The following FBP2 variants were observed in gnomAD, a reference collection of about 807,000 sequenced individuals.
The protein encoded by FBP2 is fructose-bisphosphatase 2.
A neutral mutation model predicts 31.6 loss-of-function variants in FBP2; 27 were observed. The ratio of observed to expected loss-of-function variants is 0.85; its 90% CI spans 0.63 to 1.18. The LOEUF is 1.18. Among genes scored for constraint, FBP2 ranks in the 50% most tolerant of loss-of-function variants. FBP2 has a pLI of 0.00. For synonymous variants in FBP2, 168 were observed against 179.8 expected, an observed-to-expected ratio of 0.93 and a Z score of 0.53; for missense variants, 421 against 436.1, an observed-to-expected ratio of 0.97 and a Z score of 0.31.
chr9:94,563,333 G>C lies in FBP2; in HGVS notation c.825+9C>G. On this transcript the variant is annotated intron_variant, in intron 6 of 6. Coordinates refer to ENST00000375337, the MANE Select transcript of FBP2 (RefSeq NM_003837.4). ...CCGGATGCACAGCCAGTGGACAAGG[G>C]AGAATTACCTTGCCCTTAGGGCTCT... The C allele has an allele frequency of 6.2e-7, 1 of 1,613,620 alleles. No homozygotes were observed. The highest frequency in any genetic ancestry group is 8.5e-7 in the Non-Finnish European group (1 of 1,179,736).
chr9:94,568,628 G>A (rs1827227933), intron 4 of FBP2: 1 of 152,190 alleles, frequency 6.6e-6, no homozygotes, highest in African/African-American at 2.4e-5. Context: ...AATATAAAGA[G>A]GCAAGGCCAC....
rs1325593587 is a variant in FBP2 at position 94,558,766 on chromosome 9, A to T, written c.*172T>A. 4.8e-6 allele frequency: 3 copies of T among 623,320 alleles called. No individual in the cohort carries two copies. Among genetic ancestry groups the T allele is most frequent in the East Asian group, 2.9e-5 (1 of 34,606 alleles). 38.6% of individuals were successfully genotyped at this position (623,320 alleles called of 1,614,324 possible). ...TTCTAGTCCTTCACATTGACCATAG[A>T]ATCGCCTGTGGCTTCCAAACCTGTC... On this transcript the variant is annotated 3_prime_UTR_variant, in exon 7 of 7. Coordinates refer to ENST00000375337, the MANE Select transcript of FBP2 (RefSeq NM_003837.4).
intron 5 of FBP2, among the ~76,000 whole-genome samples, chr9:94,566,989 G>C (rs509022): frequency 0.48 from 73,568 of 151,972 alleles, 18,442 homozygotes; most frequent in East Asian, 0.61. Flanking sequence ...AGGATCTGGC[G>C]TGAGCTCTGA....
intron 1 of FBP2, among the ~76,000 whole-genome samples, chr9:94,590,669 G>C (rs995854010): frequency 1.3e-5 from 2 of 152,230 alleles, no homozygotes; most frequent in Non-Finnish European, 2.9e-5. Flanking sequence ...TGGACCCAAA[G>C]AGTGAGCAGC....
intron 1 of FBP2, among the ~76,000 whole-genome samples, chr9:94,591,353 G>A (rs550264054): frequency 9.6e-4 from 146 of 152,350 alleles, no homozygotes; most frequent in Non-Finnish European, 1.9e-3. Context: ...CACTGCTGGG[G>A]GACTCAGTAC....
intron 6 of FBP2, among the ~76,000 whole-genome samples, chr9:94,559,588 C>T (rs1469803181): frequency 6.6e-6 from 1 of 151,628 alleles, no homozygotes; most frequent in African/African-American, 2.4e-5. Flanking sequence ...TGGGGACAGC[C>T]ACAGTGGCTG....
chr9:94,559,159 A>G (rs756426720), intron 6 of FBP2, 27 bp from the exon 7 acceptor site: 3 of 1,596,630 alleles, frequency 1.9e-6, no homozygotes, highest in Non-Finnish European at 2.6e-6. Context: ...GCAGGTGAGT[A>G]AACTCTGCAA....
In FBP2 at chr9:94,559,034, G is replaced by A. The variant is rs972780242; in HGVS notation, c.924C>T (p.Pro308=). 8 of 1,613,916 alleles carry A rather than the reference G, an allele frequency of 5.0e-6. No homozygotes were observed. Among genetic ancestry groups the A allele is most frequent in the East Asian group, 2.2e-5 (1 of 44,876 alleles). ...TGTQPVLDVK[P]EAIHQRVPLI... ...GGGGGACTCGCTGGTGAATTGCCTC[G>A]GGCTTCACGTCCAGTACAGGCTGGG... Residue 308 remains proline, a synonymous_variant, in exon 7 of 7, where the codon CCC becomes CCT. Transcript: ENST00000375337.
At chr9:94,586,154 T>C (rs886870391) in intron 2 of FBP2, among the ~76,000 whole-genome samples, 3 of 152,104 alleles carry the variant, frequency 2.0e-5, no homozygotes, top group African/African-American at 7.2e-5. Flanking sequence ...GGCGGGTGGA[T>C]CACCTGAGGT....
At chr9:94,564,494 A>G (rs1205139373) in intron 5 of FBP2, among the ~76,000 whole-genome samples, 2 of 152,248 alleles carry the variant, frequency 1.3e-5, no homozygotes, top group Non-Finnish European at 2.9e-5. Context: ...GAAGAATGAG[A>G]TCATGTTTTT....
intron 6 of FBP2, among the ~76,000 whole-genome samples, chr9:94,562,077 C>T (rs1286897908): frequency 6.6e-6 from 1 of 152,064 alleles, no homozygotes. Context: ...TTTGGGAGGC[C>T]AAGGCGGGCG....
Position 94,558,832 on chromosome 9 carries a change from G to T in FBP2, c.*106C>A, listed in dbSNP as rs1827048056. Reference sequence around the variant, plus strand: ...TTGCTCTTCTGTATGTGATTAAGTGGATTTACCTTTTGTATACTCATAGCT... The same window carrying T: ...TTGCTCTTCTGTATGTGATTAAGTGTATTTACCTTTTGTATACTCATAGCT... On this transcript the variant is annotated 3_prime_UTR_variant, in exon 7 of 7. Transcript: ENST00000375337. The T allele has an allele frequency of 9.3e-7, 1 of 1,073,254 alleles. No homozygotes were observed. 66.5% of individuals were successfully genotyped at this position (1,073,254 alleles called of 1,614,324 possible). A position where few individuals can be genotyped will look rare whatever the true frequency, so the allele number is the denominator to read the frequency against.
intron 1 of FBP2, among the ~76,000 whole-genome samples, chr9:94,591,192 G>T (rs145876367): frequency 6.6e-6 from 1 of 152,252 alleles, no homozygotes; most frequent in Non-Finnish European, 1.5e-5. Context: ...TGTGGAGCGG[G>T]GGGTGGCGCT....
chr9:94,568,511 C>G (rs1309520323), intron 4 of FBP2: 1 of 152,180 alleles, frequency 6.6e-6, no homozygotes. Flanking sequence ...AAACCAGATC[C>G]ATTTTGATGA....
intron 1 of FBP2, among the ~76,000 whole-genome samples, chr9:94,590,531 G>T (rs1827484031): frequency 6.6e-6 from 1 of 152,322 alleles, no homozygotes; most frequent in South Asian, 2.1e-4. Context: ...CCCTCGCGGT[G>T]AGTGTTACAG....
Position 94,558,877 on chromosome 9 carries a change from C to A in FBP2, c.*61G>T. 2 of 1,488,514 alleles carry A rather than the reference C, an allele frequency of 1.3e-6. No individual in the cohort carries two copies. Among genetic ancestry groups the A allele is most frequent in the South Asian group, 2.3e-5 (2 of 87,590 alleles). The allele number at this position is 1,488,514 out of a possible 1,614,324, so 92.2% of individuals were successfully genotyped here. On this transcript the variant is annotated 3_prime_UTR_variant, in exon 7 of 7. Transcript: ENST00000375337. ...ATAGCTACCATCTCTGTTTATCGTT[C>A]ATTTAGGGTCCTTAGACAAGGTGCA... is the stretch of plus-strand genomic sequence containing the variant.
chr9:94,587,044 A>C (rs1339986814), intron 2 of FBP2, among the ~76,000 whole-genome samples: 1 of 152,216 alleles, frequency 6.6e-6, no homozygotes, highest in Non-Finnish European at 1.5e-5. Flanking sequence ...TGATTAAGTG[A>C]ACAGCCACGA....
At chr9:94,579,050 C>CAAAAAAAAAA (rs55778806) in intron 3 of FBP2, among the ~76,000 whole-genome samples, 348 of 30,576 alleles carry the variant, frequency 0.011, 83 homozygotes, top group African/African-American at 0.067. Context: ...GAGACTCTGT[C>CAAAAAAAAAA]AAAAAAAAAA....
chr9:94,586,545 T>C (rs1480400192), intron 2 of FBP2: 1 of 152,224 alleles, frequency 6.6e-6, no homozygotes, highest in Non-Finnish European at 1.5e-5. Context: ...AATAGTGTGA[T>C]GTAGCTAAAA....
Sources: gnomAD v4.1 joint callset for allele counts (sites outside exome capture counted in the v4.1 genomes callset) on GRCh38, gnomAD v4.1.1 for gene constraint, MANE v1.5 for transcripts, NCBI Gene and HGNC (gene_info 2026-07-23, HGNC 2026-07-21) for gene names.